RAD51B: variants seen among roughly 807,000 people sequenced by gnomAD.
RAD51B encodes the protein DNA repair protein RAD51 homolog 2.
In RAD51B, 38 loss-of-function variants were observed where a neutral mutation model predicts 42.2. That is an observed-to-expected ratio of 0.90 (90% confidence interval 0.70 to 1.18). The LOEUF (loss-of-function observed/expected upper bound fraction) is 1.18, where lower values mean the gene tolerates loss of function less well. Ranked by LOEUF, RAD51B falls within the 50% of genes most tolerant of loss-of-function variation. RAD51B has a pLI of 0.00. For missense variants in RAD51B, 373 were observed against 400.7 expected (o/e 0.93, Z 0.59); for synonymous variants, 154 against 145.2 (o/e 1.06, Z -0.43).
chr14:67,949,242 A>G (rs572670722), intron 7 of RAD51B, among the ~76,000 whole-genome samples: 1 of 152,354 alleles, frequency 6.6e-6, no homozygotes, highest in East Asian at 1.9e-4. Flanking sequence ...TTTTACTCAC[A>G]GTAGAACTTC....
intron 1 of RAD51B, 39 bp from the exon 2 acceptor site, chr14:67,823,503 T>G: frequency 3.2e-6 from 5 of 1,581,522 alleles, no homozygotes; most frequent in Non-Finnish European, 4.3e-6. Flanking sequence ...TATTCTGTTG[T>G]TTTTTTCATG....
chr14:68,005,211 G>A (rs1007833247), intron 7 of RAD51B, among the ~76,000 whole-genome samples: 8 of 151,620 alleles, frequency 5.3e-5, no homozygotes, highest in Admixed American at 3.3e-4. Context: ...ATGCCACCAC[G>A]CCCAGCTAAT....
At chr14:68,063,507 G>A (rs752148718) in intron 7 of RAD51B, among the ~76,000 whole-genome samples, 3 of 152,130 alleles carry the variant, frequency 2.0e-5, no homozygotes, top group Admixed American at 6.5e-5. Context: ...AGGCCGAAGC[G>A]GGCGGAAATC....
rs796356164 is a variant in RAD51B, at chr14:68,602,506, C to CTAGCTAGA, written c.1037-8497_1037-8496insCTAGATAG. ...GGATGGATGATGGATGGATGGATAG[C>CTAGCTAGA]TAGATAGATAGCTAGCTAGATAGAT... On this transcript the variant is annotated intron_variant, in intron 10 of 10. Coordinates refer to the RAD51B transcript ENST00000487861. Among the ~76,000 whole-genome samples, 942 of 149,014 alleles carry CTAGCTAGA rather than the reference C, an allele frequency of 6.3e-3. 5 individuals carry two copies. The highest frequency in any genetic ancestry group is 0.019 in the East Asian group (94 of 5,030).
intron 6 of RAD51B, chr14:67,886,603 C>T (rs2043068348): frequency 1.3e-5 from 3 of 228,572 alleles, no homozygotes; most frequent in Non-Finnish European, 2.6e-5. Context: ...AAGCTGTAGT[C>T]TTTTATAACC....
intron 7 of RAD51B, among the ~76,000 whole-genome samples, chr14:68,126,355 A>G (rs1238504476): frequency 6.6e-6 from 1 of 152,218 alleles, no homozygotes; most frequent in African/African-American, 2.4e-5. Flanking sequence ...GCCAAAAAAA[A>G]GTCTCATACT....
intron 10 of RAD51B, among the ~76,000 whole-genome samples, chr14:68,582,824 T>TA (rs1361630886): frequency 6.6e-6 from 1 of 152,156 alleles, no homozygotes. Flanking sequence ...TATGCAGCCA[T>TA]AAAAAAGGAT....
chr14:67,893,525 G>A (rs1430509899), intron 7 of RAD51B, among the ~76,000 whole-genome samples: 1 of 135,274 alleles, frequency 7.4e-6, no homozygotes, highest in Non-Finnish European at 1.6e-5. Flanking sequence ...AAAACAATTA[G>A]CTGGGTGTGG....
At chr14:68,451,906 A>T (rs1389460800) in intron 9 of RAD51B, among the ~76,000 whole-genome samples, 1 of 152,216 alleles carries the variant, frequency 6.6e-6, no homozygotes, top group South Asian at 2.1e-4. Context: ...GTGTGGTCCA[A>T]GCATGATGTA....
At chr14:68,673,602 TGCAC>T (rs1256778330) in intron 11 of RAD51B, among the ~76,000 whole-genome samples, 2 of 118,432 alleles carry the variant, frequency 1.7e-5, no homozygotes, top group East Asian at 4.3e-4. Context: ...CATATGTACA[TGCAC>T]ACACACACGT....
chr14:68,576,788 C>A (rs1342696705), intron 10 of RAD51B, among the ~76,000 whole-genome samples: 1 of 152,120 alleles, frequency 6.6e-6, no homozygotes, highest in Non-Finnish European at 1.5e-5. Context: ...CAGAGGTGAA[C>A]CTAGCTTGGG....
At chr14:68,280,305 C>G (rs573785408) in intron 7 of RAD51B, among the ~76,000 whole-genome samples, 1 of 152,320 alleles carries the variant, frequency 6.6e-6, no homozygotes, top group Non-Finnish European at 1.5e-5. Context: ...CTTGGTTAAT[C>G]TGATATCAGT....
intron 7 of RAD51B, among the ~76,000 whole-genome samples, chr14:68,054,984 A>T (rs1250101590): frequency 6.6e-6 from 1 of 152,096 alleles, no homozygotes; most frequent in Non-Finnish European, 1.5e-5. Context: ...TGGGGGGAAA[A>T]TCCCCACACA....
downstream of RAD51B, among the ~76,000 whole-genome samples, chr14:68,480,608 G>A (rs1883100682): frequency 1.3e-5 from 2 of 151,808 alleles, no homozygotes; most frequent in South Asian, 2.1e-4. Flanking sequence ...GCTTGGTCAA[G>A]AGAGACGTTA....
chr14:68,465,958 ATAAATAAAT>A (rs1566900151), intron 9 of RAD51B, among the ~76,000 whole-genome samples: 298 of 109,642 alleles, frequency 2.7e-3, no homozygotes, highest in African/African-American at 7.7e-3. Context: ...AAAAAAATAA[ATAAATAAAT>A]AAATAAATAA....
chr14:68,568,596 C>G (rs960667346), intron 10 of RAD51B, among the ~76,000 whole-genome samples: 1 of 152,140 alleles, frequency 6.6e-6, no homozygotes, highest in African/African-American at 2.4e-5. Flanking sequence ...ACAGAACTTC[C>G]TTGTATTTTT....
chr14:68,373,777 A>C (rs998397321), intron 8 of RAD51B, among the ~76,000 whole-genome samples: 6 of 152,186 alleles, frequency 3.9e-5, no homozygotes, highest in African/African-American at 1.2e-4. Context: ...CCATAACTTA[A>C]AGTATAATAA....
Position 67,831,562 on chromosome 14 carries a change from G to A in RAD51B, c.199-3518G>A, listed in dbSNP as rs145414533. Among the ~76,000 whole-genome samples the A allele has an allele frequency of 4.3e-3, 648 of 152,180 alleles. 6 individuals are homozygous for A. Among genetic ancestry groups the A allele is most frequent in the African/African-American group, 0.015 (629 of 41,542 alleles). On this transcript the variant is annotated intron_variant, in intron 3 of 10. Coordinates refer to ENST00000471583, the MANE Select transcript of RAD51B (RefSeq NM_133510.4). ...ATTTTATTCCTTTTTTTGAGATGGA[G>A]TTTTGCTCTTGTTGCCCAGGCTGGA... is the stretch of plus-strand genomic sequence containing the variant.
chr14:68,016,884 A>C (rs1471074812), intron 7 of RAD51B, among the ~76,000 whole-genome samples: 2 of 152,266 alleles, frequency 1.3e-5, no homozygotes, highest in East Asian at 3.8e-4. Flanking sequence ...TGAAGACTTT[A>C]TAACAACAAG....
Sources: gnomAD v4.1 joint callset for allele counts (sites outside exome capture counted in the v4.1 genomes callset) on GRCh38, gnomAD v4.1.1 for gene constraint, MANE v1.5 for transcripts, NCBI Gene and HGNC (gene_info 2026-07-23, HGNC 2026-07-21) for gene names.